The following ABCF2 variants were observed in gnomAD, a reference collection of about 807,000 sequenced individuals.
The protein encoded by ABCF2 is ATP binding cassette subfamily F member 2.
ABCF2 carries 37 observed loss-of-function variants against 76.9 expected under a neutral mutation model. The observed-to-expected ratio is 0.48, with a 90% CI of 0.37 to 0.63. ABCF2 has a LOEUF of 0.63. Among genes scored for constraint, ABCF2 ranks in the 30% least tolerant of loss-of-function variants. The pLI is 0.00. For missense variants in ABCF2, 524 were observed against 782.1 expected, an observed-to-expected ratio of 0.67 and a Z score of 3.94; for synonymous variants, 299 against 283.7, an observed-to-expected ratio of 1.05 and a Z score of -0.54.
Position 151,214,256 on chromosome 7 carries a change from G to A in ABCF2, c.1735-65C>T. The A allele has an allele frequency of 6.2e-7, 1 of 1,610,724 alleles. No individual in the cohort carries two copies. Among genetic ancestry groups the A allele is most frequent in the Middle Eastern group, 1.7e-4 (1 of 6,042 alleles). On this transcript the variant is annotated intron_variant, in intron 14 of 14. Transcript: ENST00000287844. This position sits in a 1 kb window ranked among gnomAD's most constrained non-coding sequence, Gnocchi z 4.9. Reference sequence around the variant, plus strand: ...TGTCCCTGCCTCTGCCCAGCAGACTGTCCTGAGGGGCGTCTAGGAAGAAAA... The same window carrying A: ...TGTCCCTGCCTCTGCCCAGCAGACTATCCTGAGGGGCGTCTAGGAAGAAAA...
At chr7:151,218,299 G>A (rs1225326370) in intron 10 of ABCF2, 108 bp from the exon 11 acceptor site, 2 of 830,798 alleles carry the variant, frequency 2.4e-6, no homozygotes, top group Admixed American at 2.2e-5. Flanking sequence ...GAGGAAGGGA[G>A]AGTAGCGGGA....
In ABCF2 at chr7:151,211,512, T is replaced by C. The variant is rs1212251331; in HGVS notation, c.*2542A>G. The C allele has an allele frequency of 1.0e-6, 1 of 983,402 alleles. No individual in the cohort carries two copies. 60.9% of individuals were successfully genotyped at this position (983,402 alleles called of 1,614,324 possible). On this transcript the variant is annotated 3_prime_UTR_variant, in exon 15 of 15. Coordinates refer to ENST00000287844, the MANE Select transcript of ABCF2 (RefSeq NM_007189.3). The stretch of plus-strand genomic sequence containing the variant: ...TTTTAGAAATATGTATTTTGTGGAC[T>C]TTTAAAGCATTATTTAAATTACCAA...
At position 151,212,918 on chromosome 7, in the gene ABCF2, C is replaced by T; in HGVS notation, c.*1136G>A. On this transcript the variant is annotated 3_prime_UTR_variant, in exon 15 of 15. Transcript: ENST00000287844. ...GGCTCAAGCGATCCATCCACCCTAG[C>T]CACCTGAGCAGGTGGGATTCCAGGC... 4.1e-6 allele frequency: 1 copy of T among 243,458 alleles called. No individual in the cohort carries two copies. Among genetic ancestry groups the T allele is most frequent in the South Asian group, 1.5e-4 (1 of 6,512 alleles). The allele number at this position is 243,458 out of a possible 1,614,324, so 15.1% of individuals were successfully genotyped here.
rs1802313561 is a variant in ABCF2 at position 151,223,506 on chromosome 7, C to T, written c.722+172G>A. ...AAACTGAGTCACTCTACCACTTCAG[C>T]CAGGAAGCTCTCTCTCTAGCCCATA... On this transcript the variant is annotated intron_variant, in intron 5 of 14. Transcript: ENST00000287844. Among the ~76,000 whole-genome samples the T allele has an allele frequency of 3.3e-5, 5 of 152,208 alleles. No individual in the cohort carries two copies. In the South Asian group the frequency reaches 1.0e-3, roughly 31 times the overall value.
At position 151,212,393 on chromosome 7, in the gene ABCF2, A is replaced by G; in HGVS notation, c.*1661T>C. ...CAAAATTTCCTGTATCCCAATAGGA[A>G]GAGAGGTTCACAGACGTTGGTGTGA... On this transcript the variant is annotated 3_prime_UTR_variant, in exon 15 of 15. Transcript: ENST00000287844. 1.0e-6 allele frequency: 1 copy of G among 985,492 alleles called. No homozygotes were observed. The highest frequency in any genetic ancestry group is 1.2e-6 in the Non-Finnish European group (1 of 829,936). The allele number at this position is 985,492 out of a possible 1,614,324, so 61.0% of individuals were successfully genotyped here.
At chr7:151,218,294 A>C (rs1802193201) in intron 10 of ABCF2, 103 bp from the exon 11 acceptor site, 1 of 871,698 alleles carries the variant, frequency 1.1e-6, no homozygotes, top group African/African-American at 1.7e-5. Context: ...GAGAGGAGGA[A>C]GGGAGAGTAG....
At chr7:151,224,265 C>T in intron 3 of ABCF2, 151 bp from the exon 4 acceptor site, 1 of 786,534 alleles carries the variant, frequency 1.3e-6, no homozygotes, top group Non-Finnish European at 2.0e-6. Context: ...CTTGCCAGCC[C>T]CCATTCTTGG....
intron 11 of ABCF2, among the ~76,000 whole-genome samples, chr7:151,217,657 G>A (rs920858363): frequency 3.3e-5 from 5 of 152,056 alleles, no homozygotes; most frequent in Non-Finnish European, 5.9e-5. Flanking sequence ...AAAATTAGCT[G>A]TGGCGTGTGC....
Position 151,212,574 on chromosome 7 carries a change from G to T in ABCF2, c.*1480C>A. 1.2e-6 allele frequency: 1 copy of T among 867,538 alleles called. No individual in the cohort carries two copies. The highest frequency in any genetic ancestry group is 1.4e-6 in the Non-Finnish European group (1 of 722,422). 53.7% of individuals were successfully genotyped at this position (867,538 alleles called of 1,614,324 possible). A position where few individuals can be genotyped will look rare whatever the true frequency, so the allele number is the denominator to read the frequency against. ...AGTGTAGCGGCACGCTCTGCTCACT[G>T]CAGCCTCAACCTCCTGGGCTCAAGT... is the stretch of plus-strand genomic sequence containing the variant. On this transcript the variant is annotated 3_prime_UTR_variant, in exon 15 of 15. Coordinates refer to ENST00000287844, the MANE Select transcript of ABCF2 (RefSeq NM_007189.3).
chr7:151,215,689 T>A lies in ABCF2; in HGVS notation c.1445A>T (p.Tyr482Phe), dbSNP rs970092489. 1.2e-6 allele frequency: 2 copies of A among 1,614,118 alleles called. No individual in the cohort carries two copies. Among genetic ancestry groups the A allele is most frequent in the African/African-American group, 1.3e-5 (1 of 74,936 alleles). Residue 482 changes from tyrosine to phenylalanine, a missense_variant, in exon 13 of 15, where the codon TAC (tyrosine) becomes TTC (phenylalanine). By Grantham distance (22) the Tyr-to-Phe change is conservative. Around this residue, in one of 2 missense-constraint regions of ABCF2, gnomAD observed 194 missense variants for 348.6 expected, o/e 0.56. Transcript: ENST00000287844. This position sits in a 1 kb window ranked among gnomAD's most constrained non-coding sequence, Gnocchi z 4.6. The stretch of plus-strand genomic sequence containing the variant: ...GATCTCTGGGTAGCACTTCATCATG[T>A]ACTCCAAAGGTGAGAGATCTAAGTC... Reference protein sequence around the residue: ...QLDLDLSPLEYMMKCYPEIKE... With the variant: ...QLDLDLSPLEFMMKCYPEIKE...
rs1302799731 is a variant in ABCF2 at position 151,218,845 on chromosome 7, C to T, written c.1046G>A (p.Ser349Asn). The T allele has an allele frequency of 6.2e-7, 1 of 1,613,666 alleles. No homozygotes were observed. The highest frequency in any genetic ancestry group is 1.3e-5 in the African/African-American group (1 of 74,814). ...CTGGGCCTGCCGGGCCAGCTTGGCA[C>T]TGCCATGACCAAACCTCGCAATGTA... is the stretch of plus-strand genomic sequence containing the variant. ...KNYIARFGHG[S>N]AKLARQAQSK... The change falls in exon 9 of 15, where the codon AGT becomes AAT. Residue 349 changes from serine to asparagine, a missense_variant. This residue lies in a region of ABCF2 where 194 missense variants were observed against 348.6 expected (regional missense o/e 0.56). Coordinates refer to ENST00000287844, the MANE Select transcript of ABCF2 (RefSeq NM_007189.3).
At position 151,219,152 on chromosome 7, in the gene ABCF2, T is replaced by C. The variant is rs1802215360; in HGVS notation, c.929A>G (p.Tyr310Cys). Residue 310 changes from tyrosine to cysteine, a missense_variant, in exon 8 of 15, where the codon TAT becomes TGT. Around this residue, in one of 2 missense-constraint regions of ABCF2, gnomAD observed 330 missense variants for 433.6 expected, o/e 0.76. Transcript: ENST00000287844. Reference protein sequence around the residue: ...NKKLKYYTGNYDQYVKTRLEL... With the variant: ...NKKLKYYTGNCDQYVKTRLEL... ...TAGCCGCGTCTTCACGTACTGATCA[T>C]AATTACCCTGCATGGAAATGTGCCA... The C allele has an allele frequency of 6.2e-7, 1 of 1,613,888 alleles. No homozygotes were observed. The highest frequency in any genetic ancestry group is 8.5e-7 in the Non-Finnish European group (1 of 1,179,846).
rs189266370 is a variant in ABCF2 at position 151,215,128 on chromosome 7, A to T, written c.1531-46T>A. The T allele has an allele frequency of 6.6e-7, 1 of 1,526,306 alleles. No individual in the cohort carries two copies. Among genetic ancestry groups the T allele is most frequent in the Non-Finnish European group, 9.0e-7 (1 of 1,115,338 alleles). The allele number at this position is 1,526,306 out of a possible 1,614,324, so 94.5% of individuals were successfully genotyped here. On this transcript the variant is annotated intron_variant, in intron 13 of 14. Transcript: ENST00000287844. This position sits in a 1 kb window ranked among gnomAD's most constrained non-coding sequence, Gnocchi z 4.6. ...CATATAACTTGGCATTATCCCCGCC[A>T]AACAGCACAGCTCATCTCTCCCTCA...
chr7:151,224,931 C>T lies in ABCF2; in HGVS notation c.212G>A (p.Arg71Gln). 6.2e-7 allele frequency: 1 copy of T among 1,614,182 alleles called. No individual in the cohort carries two copies. The highest frequency in any genetic ancestry group is 8.5e-7 in the Non-Finnish European group (1 of 1,180,036). Residue 71 changes from arginine to glutamine, a missense_variant, in exon 3 of 15, where the codon CGA becomes CAA. Physicochemically the swap from Arg to Gln is conservative, Grantham distance 43 (BLOSUM62 1). Transcript: ENST00000287844. ...AGAGGCCAGGACGCCAGTGACAGCT[C>T]GAGCAGCAGCTTTCTTCATCTCAAA... ...EDFEMKKAAA[R>Q]AVTGVLASHP...
At position 151,226,475 on chromosome 7, in the gene ABCF2, G is replaced by A. The variant is rs138592348; in HGVS notation, c.-17C>T. 1.9e-3 allele frequency: 3,069 copies of A among 1,610,930 alleles called. 4 individuals carry two copies. The highest frequency in any genetic ancestry group is 2.3e-3 in the Non-Finnish European group (2,740 of 1,178,816). On this transcript the variant is annotated 5_prime_UTR_variant, in exon 2 of 15. Coordinates refer to ENST00000287844, the MANE Select transcript of ABCF2 (RefSeq NM_007189.3). ...GGAGGGCATGATGATGACCCACAGG[G>A]GTAGGTTACTGTTGTTTCAGGGAGC...
chr7:151,223,835 GCTT>G lies in ABCF2; in HGVS notation c.562_564del (p.Lys188del). ...TCCAGGCGCTCGTAGAGCTCCATGA[GCTT>G]CTCACACTCCGCTGTGGACAGTGTA... On this transcript the variant is annotated inframe_deletion, in exon 5 of 15. Coordinates refer to ENST00000287844, the MANE Select transcript of ABCF2 (RefSeq NM_007189.3). The G allele has an allele frequency of 6.2e-7, 1 of 1,613,398 alleles. No homozygotes were observed. Among genetic ancestry groups the G allele is most frequent in the Non-Finnish European group, 8.5e-7 (1 of 1,179,574 alleles).
chr7:151,223,622 C>T, intron 5 of ABCF2, 56 bp downstream of exon 5: 1 of 1,528,102 alleles, frequency 6.5e-7, no homozygotes, highest in Non-Finnish European at 8.8e-7. Context: ...GGAGTGAACA[C>T]TAAACACTGG....
chr7:151,215,875 C>T lies in ABCF2; in HGVS notation c.1401+92G>A. On this transcript the variant is annotated intron_variant, in intron 12 of 14. Transcript: ENST00000287844. The surrounding 1 kb of genome is among the most constrained non-coding windows in gnomAD (Gnocchi z 4.6). ...GAGCCACCTAGGCTGGAATTCCTGC[C>T]AGGGGGTGGGGGCGGCTGGCTGGAA... 6.3e-7 allele frequency: 1 copy of T among 1,586,044 alleles called. No individual in the cohort carries two copies. Among genetic ancestry groups the T allele is most frequent in the Non-Finnish European group, 8.6e-7 (1 of 1,160,442 alleles).
rs758168343 is a variant in ABCF2, at chr7:151,226,479, G to A, written c.-21C>T. 6.2e-5 allele frequency: 99 copies of A among 1,607,966 alleles called. No individual in the cohort carries two copies. Among genetic ancestry groups the A allele is most frequent in the Non-Finnish European group, 8.2e-5 (97 of 1,177,654 alleles). On this transcript the variant is annotated 5_prime_UTR_variant, in exon 2 of 15. Transcript: ENST00000287844. ...GGCATGATGATGACCCACAGGGGTA[G>A]GTTACTGTTGTTTCAGGGAGCCTGA... is the stretch of plus-strand genomic sequence containing the variant.
Sources: allele counts gnomAD v4.1 joint callset (sites outside exome capture counted in the v4.1 genomes callset), GRCh38; gene constraint gnomAD v4.1.1; regional missense constraint gnomAD v4.1.1; non-coding constraint Gnocchi (gnomAD v3.1); transcripts MANE v1.5; gene names NCBI Gene and HGNC (gene_info 2026-07-23, HGNC 2026-07-21).